The following SLC25A13 variants were observed in gnomAD, a reference collection of about 807,000 sequenced individuals.
SLC25A13 encodes the protein electrogenic aspartate/glutamate antiporter SLC25A13, mitochondrial.
Under a neutral mutation model 85.5 loss-of-function variants are expected in SLC25A13, and 70 were observed. The observed-to-expected ratio is 0.82, with a 90% confidence interval of 0.68 to 1.00. SLC25A13 has a LOEUF of 1.00. Among genes scored for constraint, SLC25A13 ranks in the 50% least tolerant of loss-of-function variants. The pLI, the probability that SLC25A13 is intolerant of heterozygous loss-of-function variation, is 0.00. For missense variants in SLC25A13, 765 were observed against 819.8 expected (o/e 0.93, Z 0.82); for synonymous variants, 259 against 288.7 (o/e 0.90, Z 1.04).
rs1035327831 is a variant in SLC25A13 at position 96,121,859 on chromosome 7, G to A, written c.1730C>T (p.Ala577Val). 3.7e-6 allele frequency: 6 copies of A among 1,614,066 alleles called. No homozygotes were observed. The African/African-American group carries it at 6.7e-5, about 18-fold the overall frequency. ...RKILREEGPK[A>V]LWKGAGARVF... ...CATACCACCAGCTCCCTTCCACAGA[G>A]CTTTTGGTCCTTCTTCACGCAGTAT... The change falls in exon 16 of 18, where the codon GCT (alanine) becomes GTT (valine). Residue 577 changes from alanine (A) to valine (V), a missense_variant. Ala to Val is a moderately conservative substitution (Grantham distance 64, BLOSUM62 0). Transcript: ENST00000265631.
chr7:96,177,499 C>T (rs1794268283), intron 11 of SLC25A13, among the ~76,000 whole-genome samples: 1 of 152,200 alleles, frequency 6.6e-6, no homozygotes, highest in Non-Finnish European at 1.5e-5. Flanking sequence ...TCAATTCTGA[C>T]TTTGCTATTT....
chr7:96,231,313 A>G (rs951156895), intron 4 of SLC25A13, among the ~76,000 whole-genome samples: 1 of 152,220 alleles, frequency 6.6e-6, no homozygotes, highest in African/African-American at 2.4e-5. Context: ...AAGAGAGTAA[A>G]CAGACACCCT....
At chr7:96,138,791 A>G (rs1792400749) in intron 14 of SLC25A13, among the ~76,000 whole-genome samples, 1 of 152,222 alleles carries the variant, frequency 6.6e-6, no homozygotes, top group Non-Finnish European at 1.5e-5. Context: ...AATGGTTAAA[A>G]AAATTGATCA....
In SLC25A13 at chr7:96,131,881, C is replaced by A. The variant is rs1792047924; in HGVS notation, c.1453G>T (p.Gly485Cys). Residue 485 changes from glycine (G) to cysteine (C), a missense_variant and splice_region_variant, in exon 15 of 18, where the codon GGT becomes TGT. Physicochemically the swap from Gly to Cys is radical, Grantham distance 159. Transcript: ENST00000265631. Reference protein sequence around the residue: ...RDLGFFGIYKGAKACFLRDIP... With the variant: ...RDLGFFGIYKCAKACFLRDIP... Reference sequence around the variant, plus strand: ...TCCCGCAGAAAGCATGCTTTGGCACCCTGCACATTTGCAAAGGAAGAAAAA... The same window carrying A: ...TCCCGCAGAAAGCATGCTTTGGCACACTGCACATTTGCAAAGGAAGAAAAA... 1 of 1,613,904 alleles carries A rather than the reference C, an allele frequency of 6.2e-7. No individual in the cohort carries two copies. The highest frequency in any genetic ancestry group is 8.5e-7 in the Non-Finnish European group (1 of 1,179,918).
chr7:96,182,015 G>A lies in SLC25A13; in HGVS notation c.1177+2262C>T, dbSNP rs1414821270. ...ATGTCAGGTCTTTTTTACTTATATTGTAATTTTTTAAATTAACAACAATAA... is the reference window on the plus strand; with the variant it reads ...ATGTCAGGTCTTTTTTACTTATATTATAATTTTTTAAATTAACAACAATAA... On this transcript the variant is annotated intron_variant, in intron 11 of 17. Transcript: ENST00000265631. 5.9e-5 allele frequency among the ~76,000 whole-genome samples: 9 copies of A among 152,146 alleles called. No homozygotes were observed. In the East Asian group the frequency reaches 1.7e-3, roughly 29 times the overall value.
chr7:96,148,507 G>A (rs1299702624), intron 13 of SLC25A13, among the ~76,000 whole-genome samples: 6 of 152,192 alleles, frequency 3.9e-5, no homozygotes, highest in Non-Finnish European at 8.8e-5. Context: ...AAGTAACCAT[G>A]TGAGAGGCAC....
intron 3 of SLC25A13, among the ~76,000 whole-genome samples, chr7:96,248,438 GTTC>G (rs1365328797): frequency 6.6e-6 from 1 of 152,094 alleles, no homozygotes; most frequent in African/African-American, 2.4e-5. Context: ...GAATAAATGA[GTTC>G]TTCTTGGTTA....
chr7:96,255,342 C>G (rs1797594335), intron 3 of SLC25A13, among the ~76,000 whole-genome samples: 1 of 152,160 alleles, frequency 6.6e-6, no homozygotes, highest in Non-Finnish European at 1.5e-5. Context: ...GTCAATTTAT[C>G]TTTACATTTG....
intron 14 of SLC25A13, 120 bp downstream of exon 14, chr7:96,146,436 T>TAGA: frequency 7.5e-7 from 1 of 1,331,600 alleles, no homozygotes; most frequent in Non-Finnish European, 1.0e-6. Flanking sequence ...GCAGCTTGGG[T>TAGA]AGAACATCTT....
intron 4 of SLC25A13, among the ~76,000 whole-genome samples, chr7:96,210,641 CA>C (rs1184149728): frequency 2.6e-5 from 4 of 152,064 alleles, no homozygotes; most frequent in Non-Finnish European, 4.4e-5. Flanking sequence ...GACTCCTTTC[CA>C]GGTGTAAGTG....
At chr7:96,283,814 G>A (rs1584563174) in intron 2 of SLC25A13, 1 of 84,704 alleles carries the variant, frequency 1.2e-5, no homozygotes, top group African/African-American at 4.0e-5. Flanking sequence ...TGGCAAATAG[G>A]TGTTTAAAAA....
Position 96,322,038 on chromosome 7 carries a change from CCGGCGGCGGCGG to C in SLC25A13, c.-94_-83del, listed in dbSNP as rs759638459. ...GGACCCGGGCGGCTCACTTCTAGTCCCGGCGGCGGCGGCGGTGGGGGCGGCGATACGGCCAGG... is the reference window on the plus strand; with the variant it reads ...GGACCCGGGCGGCTCACTTCTAGTCCCGGTGGGGGCGGCGATACGGCCAGG... On this transcript the variant is annotated 5_prime_UTR_variant, in exon 1 of 18. Transcript: ENST00000265631. The C allele has an allele frequency of 2.5e-5, 38 of 1,511,620 alleles. No homozygotes were observed. Among genetic ancestry groups the C allele is most frequent in the South Asian group, 9.9e-5 (8 of 80,910 alleles). 93.6% of individuals were successfully genotyped at this position (1,511,620 alleles called of 1,614,324 possible). A position where few individuals can be genotyped will look rare whatever the true frequency, so the allele number is the denominator to read the frequency against.
At position 96,120,788 on chromosome 7, in the gene SLC25A13, T is replaced by G. The variant is rs1791465989; in HGVS notation, c.*403A>C. ...TTATTTTTATAAATATGCACCTAGT[T>G]TCCTACCAGTTTAAAACACACACGA... is the stretch of plus-strand genomic sequence containing the variant. On this transcript the variant is annotated 3_prime_UTR_variant, in exon 18 of 18. Transcript: ENST00000265631. 1 of 457,990 alleles carries G rather than the reference T, an allele frequency of 2.2e-6. No homozygotes were observed. 28.4% of individuals were successfully genotyped at this position (457,990 alleles called of 1,614,324 possible).
intron 3 of SLC25A13, among the ~76,000 whole-genome samples, chr7:96,236,690 G>A (rs1015035390): frequency 1.2e-4 from 18 of 152,200 alleles, no homozygotes; most frequent in African/African-American, 4.3e-4. Context: ...TGAAAACCAG[G>A]TCTCCTGGCT....
intron 13 of SLC25A13, among the ~76,000 whole-genome samples, chr7:96,162,136 C>T (rs1010978820): frequency 2.6e-5 from 4 of 152,142 alleles, no homozygotes; most frequent in Admixed American, 1.3e-4. Flanking sequence ...TATGAGGCTA[C>T]GTATCCACAG....
chr7:96,278,262 T>G (rs968623196), intron 2 of SLC25A13, among the ~76,000 whole-genome samples: 5 of 152,080 alleles, frequency 3.3e-5, no homozygotes, highest in Admixed American at 6.6e-5. Context: ...GAGGCAAGGA[T>G]AGTGCATCTA....
chr7:96,137,002 T>C (rs1276209271), intron 14 of SLC25A13, among the ~76,000 whole-genome samples: 1 of 152,190 alleles, frequency 6.6e-6, no homozygotes, highest in Non-Finnish European at 1.5e-5. Flanking sequence ...GCATGTATAA[T>C]TATATATTTT....
At chr7:96,157,673 G>A (rs545370095) in intron 13 of SLC25A13, among the ~76,000 whole-genome samples, 2 of 152,144 alleles carry the variant, frequency 1.3e-5, no homozygotes, top group African/African-American at 4.8e-5. Flanking sequence ...GCATGGTGGT[G>A]CGTGCCTGTA....
intron 2 of SLC25A13, among the ~76,000 whole-genome samples, chr7:96,286,634 C>T (rs1798897446): frequency 6.6e-6 from 1 of 152,126 alleles, no homozygotes; most frequent in Non-Finnish European, 1.5e-5. Context: ...CATATCATGG[C>T]TTCTGGGGTT....
Sources: allele counts gnomAD v4.1 joint callset (sites outside exome capture counted in the v4.1 genomes callset), GRCh38; gene constraint gnomAD v4.1.1; transcripts MANE v1.5; gene names NCBI Gene and HGNC (gene_info 2026-07-23, HGNC 2026-07-21).